PTPRG: variants seen among roughly 807,000 people sequenced by gnomAD.
The protein encoded by PTPRG is protein tyrosine phosphatase receptor type G.
PTPRG carries 102 observed loss-of-function variants against 165.3 expected under a neutral mutation model. That is an observed-to-expected ratio of 0.62 (90% CI 0.53 to 0.73). The LOEUF (loss-of-function observed/expected upper bound fraction) is 0.73. Ranked by LOEUF, PTPRG falls within the 30% of genes least tolerant of loss-of-function variation. The pLI, the probability that PTPRG is intolerant of heterozygous loss-of-function variation, is 0.00. For missense variants in PTPRG, 1,866 were observed against 1,861.4 expected (o/e 1.00, Z -0.05); for synonymous variants, 675 against 669.5 (o/e 1.01, Z -0.13).
Position 61,621,051 on chromosome 3 carries a change from A to ATGTG in PTPRG, c.85+58703_85+58706dup, listed in dbSNP as rs1173192341. On this transcript the variant is annotated intron_variant, in intron 1 of 29. Coordinates refer to ENST00000474889, the MANE Select transcript of PTPRG (RefSeq NM_002841.4). ...TGTGTGTGTATATATATATATATATATGTGTGTGTGTGTGTGTGTGTGTGT... is the reference window on the plus strand; with the variant it reads ...TGTGTGTGTATATATATATATATATATGTGTGTGTGTGTGTGTGTGTGTGTGTGT... 9.6e-3 allele frequency among the ~76,000 whole-genome samples: 1,138 copies of ATGTG among 117,978 alleles called. 30 individuals are homozygous for ATGTG. Among genetic ancestry groups the ATGTG allele is most frequent in the African/African-American group, 0.03 (1,021 of 33,506 alleles). The allele number at this position is 117,978 out of a possible 152,430, so 77.4% of individuals were successfully genotyped here. A position where few individuals can be genotyped will look rare whatever the true frequency, so the allele number is the denominator to read the frequency against.
At chr3:61,682,149 C>CAAAAAAAA (rs35398190) in intron 1 of PTPRG, among the ~76,000 whole-genome samples, 6 of 96,758 alleles carry the variant, frequency 6.2e-5, no homozygotes, top group African/African-American at 1.6e-4. Flanking sequence ...ACTCCTGTCT[C>CAAAAAAAA]AAAAAAAAAA....
At chr3:61,726,493 A>G (rs1349074425) in intron 1 of PTPRG, among the ~76,000 whole-genome samples, 5 of 152,220 alleles carry the variant, frequency 3.3e-5, no homozygotes, top group Non-Finnish European at 7.3e-5. Context: ...GGATAACACA[A>G]AAAAATTGCT....
rs538905919 is a variant in PTPRG, at chr3:61,693,863, C to G, written c.86-55015C>G. 2.0e-5 allele frequency among the ~76,000 whole-genome samples: 3 copies of G among 152,080 alleles called. No homozygotes were observed. The South Asian group carries it at 6.2e-4, about 32-fold the overall frequency. ...TCTACTAAAAATATAAAAAAATTAGCCAGGCATGGCAGCGGGCGCTTGTAG... is the reference window on the plus strand; with the variant it reads ...TCTACTAAAAATATAAAAAAATTAGGCAGGCATGGCAGCGGGCGCTTGTAG... On this transcript the variant is annotated intron_variant, in intron 1 of 29. Transcript: ENST00000474889.
At chr3:62,188,986 A>G (rs574171471) in intron 8 of PTPRG, among the ~76,000 whole-genome samples, 9 of 152,060 alleles carry the variant, frequency 5.9e-5, no homozygotes, top group Admixed American at 2.6e-4. Flanking sequence ...CTATGAAGCC[A>G]CTTAGAAGCC....
At chr3:62,185,346 G>T (rs1045448284) in intron 8 of PTPRG, among the ~76,000 whole-genome samples, 1 of 152,180 alleles carries the variant, frequency 6.6e-6, no homozygotes, top group African/African-American at 2.4e-5. Context: ...TGGTTAAAAG[G>T]CTTCAATTTT....
intron 1 of PTPRG, among the ~76,000 whole-genome samples, chr3:61,653,173 T>C (rs1037056762): frequency 1.1e-4 from 16 of 152,138 alleles, no homozygotes; most frequent in East Asian, 3.9e-4. Flanking sequence ...TACATCCTGA[T>C]AGTTTTTTTT....
chr3:61,778,113 GT>G (rs2034438823), intron 2 of PTPRG, among the ~76,000 whole-genome samples: 1 of 152,172 alleles, frequency 6.6e-6, no homozygotes. Flanking sequence ...TCAACTGCAA[GT>G]TATCCAGGTT....
intron 2 of PTPRG, among the ~76,000 whole-genome samples, chr3:61,864,841 C>T: frequency 6.6e-6 from 1 of 152,140 alleles, no homozygotes; most frequent in Admixed American, 6.5e-5. Flanking sequence ...TATCTGTTCT[C>T]TCATTCTTCC....
At position 62,030,198 on chromosome 3, in the gene PTPRG, T is replaced by G. The variant is rs976964683; in HGVS notation, c.519+26701T>G. Among the ~76,000 whole-genome samples, 18 of 48,320 alleles carry G rather than the reference T, an allele frequency of 3.7e-4. No homozygotes were observed. In the African/African-American group the frequency reaches 4.3e-3, roughly 12 times the overall value. 31.7% of individuals were successfully genotyped at this position (48,320 alleles called of 152,430 possible). A position where few individuals can be genotyped will look rare whatever the true frequency, so the allele number is the denominator to read the frequency against. On this transcript the variant is annotated intron_variant, in intron 4 of 29. Transcript: ENST00000474889. ...AAATGATGGGAAAATTTTCCCTGTGTTTTTTTTTTTTTTTAACTTAAGTCA... is the reference window on the plus strand; with the variant it reads ...AAATGATGGGAAAATTTTCCCTGTGGTTTTTTTTTTTTTTAACTTAAGTCA...
At chr3:62,011,057 C>G (rs1228834764) in intron 4 of PTPRG, among the ~76,000 whole-genome samples, 2 of 152,202 alleles carry the variant, frequency 1.3e-5, no homozygotes, top group East Asian at 1.9e-4. Context: ...GTTGAATACC[C>G]TGGCTTGTAT....
chr3:61,998,861 A>G (rs1473517764), intron 3 of PTPRG, among the ~76,000 whole-genome samples: 1 of 152,202 alleles, frequency 6.6e-6, no homozygotes, highest in African/African-American at 2.4e-5. Flanking sequence ...TAGTTAGTTC[A>G]GGCTGCTGTA....
chr3:62,162,947 A>G (rs1279981955), intron 7 of PTPRG, among the ~76,000 whole-genome samples: 1 of 152,206 alleles, frequency 6.6e-6, no homozygotes, highest in Non-Finnish European at 1.5e-5. Context: ...ATTAGAAAAG[A>G]GGTTTAATTG....
chr3:62,212,747 C>T (rs376477913), intron 12 of PTPRG, among the ~76,000 whole-genome samples: 6 of 152,246 alleles, frequency 3.9e-5, no homozygotes, highest in Non-Finnish European at 5.9e-5. Flanking sequence ...ATGTGTGCCA[C>T]GTGGGAATTC....
rs148102544 is a variant in PTPRG at position 61,603,132 on chromosome 3, C to T, written c.85+40760C>T. Among the ~76,000 whole-genome samples, 1,264 of 152,302 alleles carry T rather than the reference C, an allele frequency of 8.3e-3. 22 individuals carry two copies. The highest frequency in any genetic ancestry group is 0.029 in the African/African-American group (1,203 of 41,562). On this transcript the variant is annotated intron_variant, in intron 1 of 29. Transcript: ENST00000474889. ...CAAACACTATAAATCAGCCACCCTG[C>T]TGGAACTGGATGGTAAGTGTTTACC...
rs1442744696 is a variant in PTPRG at position 62,295,367 on chromosome 3, T to TAACA, written c.*2061_*2064dup. 1 of 152,130 alleles carries TAACA rather than the reference T, an allele frequency of 6.6e-6. No homozygotes were observed. Among genetic ancestry groups the TAACA allele is most frequent in the Admixed American group, 6.6e-5 (1 of 15,262 alleles). The allele number at this position is 152,130 out of a possible 1,614,324, so 9.4% of individuals were successfully genotyped here. On this transcript the variant is annotated 3_prime_UTR_variant, in exon 30 of 30. Coordinates refer to ENST00000474889, the MANE Select transcript of PTPRG (RefSeq NM_002841.4). ...AGATGTATAGAGTATTGATATGAGT[T>TAACA]AACACTTTTTAGTAGATGGCAAAGT... is the stretch of plus-strand genomic sequence containing the variant.
At chr3:62,265,678 C>T (rs997575672) in intron 17 of PTPRG, among the ~76,000 whole-genome samples, 2 of 152,104 alleles carry the variant, frequency 1.3e-5, no homozygotes, top group African/African-American at 4.8e-5. Flanking sequence ...GAAAGTCAAA[C>T]CTCTCCCTAG....
chr3:61,742,417 T>C, intron 1 of PTPRG: 1 of 1,250,872 alleles, frequency 8.0e-7, no homozygotes, highest in South Asian at 1.9e-5. Context: ...TTTTTTTTTT[T>C]TTTTTTGAAC....
At chr3:62,123,396 C>T (rs1301865543) in intron 5 of PTPRG, among the ~76,000 whole-genome samples, 2 of 152,130 alleles carry the variant, frequency 1.3e-5, no homozygotes, top group Non-Finnish European at 2.9e-5. Flanking sequence ...TAGATGTGCA[C>T]CACCAAACAC....
At chr3:62,112,456 G>A (rs1332730400) in intron 5 of PTPRG, among the ~76,000 whole-genome samples, 1 of 152,204 alleles carries the variant, frequency 6.6e-6, no homozygotes, top group Non-Finnish European at 1.5e-5. Context: ...TTCTCTCAAA[G>A]TCTTAATTGC....
Sources: allele counts gnomAD v4.1 joint callset (sites outside exome capture counted in the v4.1 genomes callset), GRCh38; gene constraint gnomAD v4.1.1; transcripts MANE v1.5; gene names NCBI Gene and HGNC (gene_info 2026-07-23, HGNC 2026-07-21).